FGF14: variants seen among roughly 807,000 people sequenced by gnomAD.
The protein encoded by FGF14 is fibroblast growth factor 14.
In FGF14, 5 loss-of-function variants were observed where a neutral mutation model predicts 25.5. The ratio of observed to expected loss-of-function variants is 0.20; its 90% CI spans 0.10 to 0.41. The LOEUF is 0.41. Ranked by LOEUF, FGF14 falls within the 10% of genes least tolerant of loss-of-function variation. FGF14 has a pLI of 1.00. For synonymous variants in FGF14, 138 were observed against 118.3 expected (o/e 1.17, Z -1.08); for missense variants, 222 against 320.1 (o/e 0.69, Z 2.34).
intron 1 of FGF14, among the ~76,000 whole-genome samples, chr13:102,356,450 G>A (rs2057419844): frequency 6.6e-6 from 1 of 152,198 alleles, no homozygotes; most frequent in Non-Finnish European, 1.5e-5. Context: ...CCTCTTGCCT[G>A]ACAAAACATA....
chr13:101,889,931 A>G (rs2046186046), intron 1 of FGF14, among the ~76,000 whole-genome samples: 1 of 152,160 alleles, frequency 6.6e-6, no homozygotes, highest in Non-Finnish European at 1.5e-5. Context: ...CTGTCAAAAC[A>G]CTGCCCTATA....
intron 1 of FGF14, among the ~76,000 whole-genome samples, chr13:102,103,429 T>C (rs1204642390): frequency 6.7e-6 from 1 of 149,538 alleles, no homozygotes; most frequent in East Asian, 2.0e-4. Context: ...TCTGCTAGGA[T>C]ATAAATAAGA....
chr13:102,087,712 C>T (rs1013443331), intron 1 of FGF14, among the ~76,000 whole-genome samples: 27 of 151,752 alleles, frequency 1.8e-4, no homozygotes, highest in Admixed American at 1.8e-3. Context: ...GCGTGAGCCA[C>T]CGCGCCCAGC....
chr13:102,354,105 C>A (rs1452039282), intron 1 of FGF14: 1 of 152,300 alleles, frequency 6.6e-6, no homozygotes, highest in Non-Finnish European at 1.5e-5. Flanking sequence ...AAAAAAGCTA[C>A]ATACCTCCCT....
At chr13:102,233,696 G>C (rs1031636839) in intron 1 of FGF14, among the ~76,000 whole-genome samples, 2 of 152,092 alleles carry the variant, frequency 1.3e-5, no homozygotes, top group African/African-American at 4.8e-5. Flanking sequence ...AATCTTCTAT[G>C]ACATCATACT....
chr13:102,013,583 T>C (rs1410440131), intron 1 of FGF14, among the ~76,000 whole-genome samples: 3 of 152,300 alleles, frequency 2.0e-5, no homozygotes, highest in Non-Finnish European at 4.4e-5. Context: ...CCCAAAGGAA[T>C]TGTGCAATTC....
chr13:102,037,154 T>G (rs1478641655), intron 1 of FGF14, among the ~76,000 whole-genome samples: 1 of 152,188 alleles, frequency 6.6e-6, no homozygotes, highest in Non-Finnish European at 1.5e-5. Context: ...GATTTTATTA[T>G]GAAGGTATAT....
At chr13:101,956,768 CAAAA>C (rs372879439) in intron 1 of FGF14, among the ~76,000 whole-genome samples, 4 of 122,578 alleles carry the variant, frequency 3.3e-5, no homozygotes, top group South Asian at 2.7e-4. Flanking sequence ...TTCACTTTAC[CAAAA>C]AAAAAAAAAA....
intron 1 of FGF14, among the ~76,000 whole-genome samples, chr13:102,277,121 T>C (rs2053587674): frequency 1.3e-5 from 2 of 152,228 alleles, no homozygotes; most frequent in Admixed American, 6.5e-5. Context: ...ATATGGCCAA[T>C]TTTACCCACC....
chr13:102,359,971 A>G (rs1285528858), intron 1 of FGF14, among the ~76,000 whole-genome samples: 1 of 152,016 alleles, frequency 6.6e-6, no homozygotes, highest in Non-Finnish European at 1.5e-5. Flanking sequence ...GAATGAGTAG[A>G]CTGGATTTTG....
At chr13:102,392,118 A>T (rs2058446285) in intron 1 of FGF14, among the ~76,000 whole-genome samples, 1 of 152,262 alleles carries the variant, frequency 6.6e-6, no homozygotes, top group African/African-American at 2.4e-5. Context: ...TAAGGTTACC[A>T]CACACTTCAG....
At chr13:102,340,095 A>G (rs80059831) in intron 1 of FGF14, among the ~76,000 whole-genome samples, 2,980 of 152,324 alleles carry the variant, frequency 0.02, 91 homozygotes, top group African/African-American at 0.068. Flanking sequence ...AAAAAAACAC[A>G]GTAATTAGTA....
At chr13:102,102,780 T>C (rs2044721223) in intron 1 of FGF14, among the ~76,000 whole-genome samples, 1 of 152,208 alleles carries the variant, frequency 6.6e-6, no homozygotes, top group Admixed American at 6.5e-5. Flanking sequence ...ATTTTGCAGA[T>C]AGGGTAACTG....
chr13:102,281,953 A>G (rs1348496566), intron 1 of FGF14, among the ~76,000 whole-genome samples: 2 of 152,114 alleles, frequency 1.3e-5, no homozygotes, highest in Admixed American at 6.6e-5. Context: ...AAAGAAAATC[A>G]TATGTCCGTA....
intron 1 of FGF14, among the ~76,000 whole-genome samples, chr13:101,997,783 T>C (rs767620946): frequency 2.0e-5 from 3 of 152,206 alleles, no homozygotes; most frequent in East Asian, 3.9e-4. Context: ...AGGCCCCTAA[T>C]AGAAGAGATT....
intron 1 of FGF14, among the ~76,000 whole-genome samples, chr13:102,169,521 G>A (rs1465412936): frequency 6.6e-6 from 1 of 151,924 alleles, no homozygotes; most frequent in Non-Finnish European, 1.5e-5. Flanking sequence ...AATTCCCTAA[G>A]ACATTCAAGA....
intron 1 of FGF14, among the ~76,000 whole-genome samples, chr13:101,949,450 C>G (rs1407782): frequency 6.6e-6 from 1 of 152,042 alleles, no homozygotes; most frequent in Non-Finnish European, 1.5e-5. Context: ...AGGGGCTGAA[C>G]GAGTGGTTCT....
At chr13:101,923,027 GATT>G (rs2034117127) in intron 1 of FGF14, among the ~76,000 whole-genome samples, 1 of 151,926 alleles carries the variant, frequency 6.6e-6, no homozygotes, top group Non-Finnish European at 1.5e-5. Flanking sequence ...TTAATTTTAA[GATT>G]ATTTTAGGTA....
intron 1 of FGF14, among the ~76,000 whole-genome samples, chr13:102,254,284 G>C (rs2052338567): frequency 6.6e-6 from 1 of 152,126 alleles, no homozygotes; most frequent in South Asian, 2.1e-4. Flanking sequence ...TGTCTGTGAG[G>C]GTTCGGCCAT....
Sources: gnomAD v4.1 joint callset for allele counts (sites outside exome capture counted in the v4.1 genomes callset) on GRCh38, gnomAD v4.1.1 for gene constraint, MANE v1.5 for transcripts, NCBI Gene and HGNC (gene_info 2026-07-23, HGNC 2026-07-21) for gene names.